Variants in ACIN1 observed in about 807,000 individuals in gnomAD.
The protein encoded by ACIN1 is apoptotic chromatin condensation inducer 1, also known as apoptotic chromatin condensation inducer in the nucleus.
A neutral mutation model predicts 146.6 loss-of-function variants in ACIN1; 16 were observed. The observed-to-expected ratio is 0.11, with a 90% confidence interval of 0.07 to 0.17. The LOEUF (loss-of-function observed/expected upper bound fraction) is 0.17, where lower values mean the gene tolerates loss of function less well. ACIN1 is among the 10% of genes least tolerant of loss of function. The pLI, the probability that ACIN1 is intolerant of heterozygous loss-of-function variation, is 1.00. For missense variants in ACIN1, 1,357 were observed against 1,609.3 expected (o/e 0.84, Z 2.68); for synonymous variants, 569 against 582.7 (o/e 0.98, Z 0.34).
At chr14:23,090,386 C>G (rs1307318127) in intron 3 of ACIN1, 136 bp downstream of exon 3, 12 of 858,650 alleles carry the variant, frequency 1.4e-5, no homozygotes, top group Non-Finnish European at 2.1e-5. Context: ...CACTTGGCTT[C>G]ATGGGCTATG....
Position 23,085,681 on chromosome 14 carries a change from G to A in ACIN1, c.437-3845C>T, listed in dbSNP as rs117549461. On this transcript the variant is annotated intron_variant, in intron 4 of 18. Transcript: ENST00000605057. ...AGCAATGCAAAATATAAAGAGATGAGGAATCTCTAGTTCCTTGGAAAGAGC... is the reference window on the plus strand; with the variant it reads ...AGCAATGCAAAATATAAAGAGATGAAGAATCTCTAGTTCCTTGGAAAGAGC... Among the ~76,000 whole-genome samples, 869 of 152,198 alleles carry A rather than the reference G, an allele frequency of 5.7e-3. 7 individuals are homozygous for A. The highest frequency in any genetic ancestry group is 8.6e-3 in the Non-Finnish European group (587 of 67,998).
In ACIN1 at chr14:23,068,125, T is replaced by C; in HGVS notation, c.2265+1351A>G. ...TGGTGACACATGGGCTGGGCTGTCA[T>C]CAGCATTAAATCCCCAGGGGCTCAG... On this transcript the variant is annotated intron_variant, in intron 9 of 18. Coordinates refer to ENST00000605057, the MANE Select transcript of ACIN1 (RefSeq NM_001386863.1). The surrounding 1 kb of genome is among the most constrained non-coding windows in gnomAD (Gnocchi z 4.3). 1 of 985,874 alleles carries C rather than the reference T, an allele frequency of 1.0e-6. No individual in the cohort carries two copies. 61.1% of individuals were successfully genotyped at this position (985,874 alleles called of 1,614,324 possible).
At chr14:23,074,077 ATT>A (rs1324299311) in intron 8 of ACIN1, among the ~76,000 whole-genome samples, 8 of 151,542 alleles carry the variant, frequency 5.3e-5, no homozygotes, top group Non-Finnish European at 1.2e-4. Flanking sequence ...TGACCTTGTG[ATT>A]CGCGCGTCTC....
chr14:23,071,291 G>A, intron 8 of ACIN1: 1 of 1,499,414 alleles, frequency 6.7e-7, no homozygotes, highest in Non-Finnish European at 8.9e-7. Context: ...CTCCTCCCCA[G>A]CCACCCGATC....
intron 7 of ACIN1, 31 bp from the exon 8 acceptor site, chr14:23,078,297 A>G (rs1406770917): frequency 6.9e-6 from 11 of 1,596,350 alleles, no homozygotes; most frequent in Non-Finnish European, 9.4e-6. Context: ...CGAACAGAGC[A>G]AAACATTTAG....
intron 9 of ACIN1, among the ~76,000 whole-genome samples, chr14:23,066,913 AAT>A (rs1368038625): frequency 1.3e-5 from 2 of 152,078 alleles, no homozygotes; most frequent in Non-Finnish European, 2.9e-5. Flanking sequence ...AGAAAAAGGG[AAT>A]AGAGTATTTT....
intron 1 of ACIN1, among the ~76,000 whole-genome samples, chr14:23,093,892 T>C (rs2048294496): frequency 6.6e-6 from 1 of 152,222 alleles, no homozygotes; most frequent in Non-Finnish European, 1.5e-5. Context: ...ATCATGCATG[T>C]AAAATTACTT....
At chr14:23,089,796 C>A (rs544308981) in intron 4 of ACIN1, among the ~76,000 whole-genome samples, 186 bp downstream of exon 4, 1 of 152,280 alleles carries the variant, frequency 6.6e-6, no homozygotes, top group South Asian at 2.1e-4. Flanking sequence ...GAAGGTAACA[C>A]AATATATAGG....
Position 23,094,651 on chromosome 14 carries a change from T to C in ACIN1, c.138+324A>G. On this transcript the variant is annotated intron_variant, in intron 1 of 18. Coordinates refer to ENST00000605057, the MANE Select transcript of ACIN1 (RefSeq NM_001386863.1). ...AGCAACGCCGTAGGTTGTAGTGGGA[T>C]TTAACTCCTTCTGCAGCGCATGCGC... 4 of 796,470 alleles carry C rather than the reference T, an allele frequency of 5.0e-6. No individual in the cohort carries two copies. In the South Asian group the frequency reaches 1.1e-4, roughly 21 times the overall value. The allele number at this position is 796,470 out of a possible 1,614,324, so 49.3% of individuals were successfully genotyped here.
chr14:23,074,763 G>T (rs1441207507), intron 8 of ACIN1, among the ~76,000 whole-genome samples: 3 of 152,078 alleles, frequency 2.0e-5, no homozygotes, highest in Admixed American at 6.6e-5. Context: ...CAGAAGAAAA[G>T]GGTACAACTA....
intron 8 of ACIN1, among the ~76,000 whole-genome samples, chr14:23,070,863 A>G (rs961036787): frequency 1.2e-4 from 18 of 152,170 alleles, no homozygotes; most frequent in African/African-American, 1.7e-4. Context: ...CTGTGCCCCC[A>G]GCTAAACAGG....
rs1245228651 is a variant in ACIN1 at position 23,071,060 on chromosome 14, AGAAG to A, written c.2124-1447_2124-1444del. 1.0e-5 allele frequency: 15 copies of A among 1,479,932 alleles called. No homozygotes were observed. In the African/African-American group the frequency reaches 1.7e-4, roughly 17 times the overall value. The allele number at this position is 1,479,932 out of a possible 1,614,324, so 91.7% of individuals were successfully genotyped here. ...AGACGGAATGAAAGCCATGAGGAAG[AGAAG>A]GAAGACGAAGGGAGCTAGGGCGGCG... On this transcript the variant is annotated intron_variant, in intron 8 of 18. Transcript: ENST00000605057.
rs1004969122 is a variant in ACIN1 at position 23,061,499 on chromosome 14, C to T, written c.3223G>A (p.Ala1075Thr). 7 of 1,587,872 alleles carry T rather than the reference C, an allele frequency of 4.4e-6. No individual in the cohort carries two copies. The highest frequency in any genetic ancestry group is 6.0e-6 in the Non-Finnish European group (7 of 1,165,400). The change falls in exon 17 of 19, where the codon GCA (alanine) becomes ACA (threonine). Residue 1075 changes from alanine (A) to threonine (T), a missense_variant. By Grantham distance (58) the Ala-to-Thr change is moderately conservative. Around this residue, in one of 4 missense-constraint regions of ACIN1, gnomAD observed 509 missense variants for 719.6 expected, o/e 0.71. Coordinates refer to ENST00000605057, the MANE Select transcript of ACIN1 (RefSeq NM_001386863.1). ...GCCCGTTCCTGCTCCCGCTGCTCTG[C>T]CCGGGGGTGCTGTGGTGGCTGGACC... ...PPVQPPQHPR[A>T]EQREQERAVR...
chr14:23,095,233 A>G (rs760167213), upstream of ACIN1: 14 of 1,610,448 alleles, frequency 8.7e-6, no homozygotes, highest in South Asian at 3.3e-5. Flanking sequence ...CTCGATTACC[A>G]CTCAGAACTC....
chr14:23,090,225 C>T lies in ACIN1; in HGVS notation c.317-124G>A, dbSNP rs78429429. On this transcript the variant is annotated intron_variant, in intron 3 of 18. Coordinates refer to ENST00000605057, the MANE Select transcript of ACIN1 (RefSeq NM_001386863.1). ...CAGAGATACATACCAAAAAGAGCAC[C>T]GTATAAAAAGAAAAAACTCCCTGGG... 8.2e-3 allele frequency: 11,059 copies of T among 1,344,706 alleles called. 56 individuals are homozygous for T. Among genetic ancestry groups the T allele is most frequent in the Non-Finnish European group, 0.01 (10,089 of 1,007,434 alleles). The allele number at this position is 1,344,706 out of a possible 1,614,324, so 83.3% of individuals were successfully genotyped here.
At chr14:23,075,556 CAA>C (rs1473666668) in intron 8 of ACIN1, among the ~76,000 whole-genome samples, 1 of 151,408 alleles carries the variant, frequency 6.6e-6, no homozygotes, top group Non-Finnish European at 1.5e-5. Flanking sequence ...CCAAACACAG[CAA>C]AAAGTCAGTC....
chr14:23,090,684 T>G, intron 2 of ACIN1, 51 bp from the exon 3 acceptor site: 5 of 1,423,110 alleles, frequency 3.5e-6, no homozygotes. Flanking sequence ...ACCAGGAGAA[T>G]GCAAAGAAGA....
At position 23,093,553 on chromosome 14, in the gene ACIN1, G is replaced by C. The variant is rs376171424; in HGVS notation, c.139-9C>G. The C allele has an allele frequency of 4.3e-6, 7 of 1,613,096 alleles. No individual in the cohort carries two copies. The highest frequency in any genetic ancestry group is 5.9e-6 in the Non-Finnish European group (7 of 1,179,182). The stretch of plus-strand genomic sequence containing the variant: ...TTTTCTAGCATTAGAGCCTGGTATA[G>C]AGAAGGGTAAAAGTCAGAAATGATG... On this transcript the variant is annotated splice_polypyrimidine_tract_variant and intron_variant, in intron 1 of 18. Coordinates refer to ENST00000605057, the MANE Select transcript of ACIN1 (RefSeq NM_001386863.1).
chr14:23,092,778 T>G (rs921520941), intron 2 of ACIN1, among the ~76,000 whole-genome samples: 1 of 152,206 alleles, frequency 6.6e-6, no homozygotes, highest in Non-Finnish European at 1.5e-5. Context: ...AGTTAAAAAG[T>G]AGATCTAATC....
Sources: gnomAD v4.1 joint callset for allele counts (sites outside exome capture counted in the v4.1 genomes callset) on GRCh38, gnomAD v4.1.1 for gene constraint, gnomAD v4.1.1 regional missense constraint, Gnocchi (gnomAD v3.1) non-coding constraint, MANE v1.5 for transcripts, NCBI Gene and HGNC (gene_info 2026-07-23, HGNC 2026-07-21) for gene names.